UBTD1: variants seen among roughly 807,000 people sequenced by gnomAD.
The protein encoded by UBTD1 is ubiquitin domain-containing protein 1.
UBTD1 carries 19 observed loss-of-function variants against 21.7 expected under a neutral mutation model. The observed-to-expected ratio is 0.87, with a 90% CI of 0.61 to 1.28. The LOEUF (loss-of-function observed/expected upper bound fraction) is 1.28, where lower values mean the gene tolerates loss of function less well. UBTD1 is among the 50% of genes most tolerant of loss of function. The pLI, the probability that UBTD1 is intolerant of heterozygous loss-of-function variation, is 0.00. For missense variants in UBTD1, 282 were observed against 315.1 expected (o/e 0.89, Z 0.80); for synonymous variants, 116 against 135.1 (o/e 0.86, Z 0.98).
intron 1 of UBTD1, among the ~76,000 whole-genome samples, chr10:97,537,004 A>C (rs2135672888): frequency 6.6e-6 from 1 of 152,264 alleles, no homozygotes; most frequent in Non-Finnish European, 1.5e-5. Flanking sequence ...GAATTGGAGT[A>C]GACGTGCATT....
intron 1 of UBTD1, among the ~76,000 whole-genome samples, chr10:97,549,989 C>G (rs2040628960): frequency 6.6e-6 from 1 of 152,222 alleles, no homozygotes; most frequent in South Asian, 2.1e-4. Flanking sequence ...TTCCCGCTGC[C>G]AGGTGGGACA....
At position 97,514,621 on chromosome 10, in the gene UBTD1, G is replaced by A. The variant is rs566038791; in HGVS notation, c.70+15348G>A. ...CCTCGGATTCAGCACTCATCCAGTG[G>A]GAGTGTGGTCAGGAGCCCCGAGGAA... On this transcript the variant is annotated intron_variant, in intron 1 of 2. Transcript: ENST00000370664. 2.0e-5 allele frequency among the ~76,000 whole-genome samples: 3 copies of A among 152,242 alleles called. No individual in the cohort carries two copies. The South Asian group carries it at 6.2e-4, about 32-fold the overall frequency.
At chr10:97,523,712 T>C (rs1367676666) in intron 1 of UBTD1, among the ~76,000 whole-genome samples, 1 of 151,966 alleles carries the variant, frequency 6.6e-6, no homozygotes, top group Non-Finnish European at 1.5e-5. Context: ...GGGGCGGTAT[T>C]TTTCCTCTGT....
intron 1 of UBTD1, among the ~76,000 whole-genome samples, chr10:97,554,955 C>G (rs551670833): frequency 6.6e-6 from 1 of 152,144 alleles, no homozygotes; most frequent in Non-Finnish European, 1.5e-5. Context: ...CTTTCTCAAC[C>G]CTTGGTAGAT....
intron 1 of UBTD1, among the ~76,000 whole-genome samples, chr10:97,538,445 A>T (rs192086414): frequency 9.8e-5 from 15 of 152,356 alleles, no homozygotes; most frequent in Admixed American, 8.5e-4. Flanking sequence ...AAGATTTCCT[A>T]AATTACACAT....
chr10:97,520,031 C>T (rs1030144604), intron 1 of UBTD1, among the ~76,000 whole-genome samples: 6 of 152,184 alleles, frequency 3.9e-5, no homozygotes, highest in African/African-American at 1.2e-4. Context: ...AGCACAGGTT[C>T]GGCTCAGACC....
intron 1 of UBTD1, among the ~76,000 whole-genome samples, chr10:97,529,524 G>A (rs2040517018): frequency 6.6e-6 from 1 of 152,230 alleles, no homozygotes; most frequent in Non-Finnish European, 1.5e-5. Flanking sequence ...CACCTCGGGA[G>A]GCCGAGGCTG....
chr10:97,567,824 G>A, intron 1 of UBTD1, 90 bp from the exon 2 acceptor site: 1 of 1,276,572 alleles, frequency 7.8e-7, no homozygotes, highest in Non-Finnish European at 1.1e-6. Flanking sequence ...GGGTTTCAGG[G>A]TCTGGCCTGG....
intron 1 of UBTD1, among the ~76,000 whole-genome samples, chr10:97,548,094 G>T (rs1361517945): frequency 6.6e-6 from 1 of 152,204 alleles, no homozygotes; most frequent in Non-Finnish European, 1.5e-5. Flanking sequence ...GGTTGGTGAG[G>T]TCATCCACCC....
At chr10:97,535,775 A>G (rs1433749853) in intron 1 of UBTD1, among the ~76,000 whole-genome samples, 4 of 151,690 alleles carry the variant, frequency 2.6e-5, no homozygotes, top group South Asian at 2.1e-4. Context: ...TTAATTAGCT[A>G]GGTGCAGTGG....
chr10:97,560,528 C>G (rs2040687392), intron 1 of UBTD1, among the ~76,000 whole-genome samples: 1 of 152,070 alleles, frequency 6.6e-6, no homozygotes, highest in Non-Finnish European at 1.5e-5. Flanking sequence ...GGAAGGGGGT[C>G]TAAAACCAGC....
At chr10:97,568,359 G>C (rs1180531794) in intron 2 of UBTD1, among the ~76,000 whole-genome samples, 2 of 152,170 alleles carry the variant, frequency 1.3e-5, no homozygotes, top group East Asian at 3.9e-4. Flanking sequence ...CAACAAACCT[G>C]CAAAGCAGTG....
At chr10:97,515,503 T>G (rs555386936) in intron 1 of UBTD1, among the ~76,000 whole-genome samples, 1 of 152,284 alleles carries the variant, frequency 6.6e-6, no homozygotes, top group African/African-American at 2.4e-5. Context: ...TGAATCCAGC[T>G]TAAGCAAAAA....
Position 97,546,900 on chromosome 10 carries a change from A to ACT in UBTD1, c.71-20997_71-20996dup, listed in dbSNP as rs144552590. The stretch of plus-strand genomic sequence containing the variant: ...TGCCCCACTGCCACCTCACACACAC[A>ACT]CTCTCTCTCTCTCTCTCTGTCTGTC... On this transcript the variant is annotated intron_variant, in intron 1 of 2. Transcript: ENST00000370664. Among the ~76,000 whole-genome samples, 52 of 147,148 alleles carry ACT rather than the reference A, an allele frequency of 3.5e-4. 1 individual carries two copies. The highest frequency in any genetic ancestry group is 9.9e-4 in the East Asian group (5 of 5,064).
At chr10:97,504,222 T>C (rs555215904) in intron 1 of UBTD1, among the ~76,000 whole-genome samples, 113 of 152,310 alleles carry the variant, frequency 7.4e-4, no homozygotes, top group Non-Finnish European at 1.4e-3. Context: ...GAACTCACCT[T>C]CCTGCTTCCT....
chr10:97,555,291 A>T (rs2040658826), intron 1 of UBTD1, among the ~76,000 whole-genome samples: 1 of 152,250 alleles, frequency 6.6e-6, no homozygotes, highest in African/African-American at 2.4e-5. Flanking sequence ...TGGTCAAGGC[A>T]TAAACACCTC....
At chr10:97,535,886 C>G (rs2040557802) in intron 1 of UBTD1, among the ~76,000 whole-genome samples, 1 of 150,940 alleles carries the variant, frequency 6.6e-6, no homozygotes, top group Non-Finnish European at 1.5e-5. Context: ...CTACTGCACT[C>G]TAATCTGGGT....
At chr10:97,551,135 CTG>C (rs1406741458) in intron 1 of UBTD1, among the ~76,000 whole-genome samples, 1 of 152,214 alleles carries the variant, frequency 6.6e-6, no homozygotes, top group Non-Finnish European at 1.5e-5. Flanking sequence ...CCCTGAGAAT[CTG>C]TCTTTTGAAC....
intron 1 of UBTD1, among the ~76,000 whole-genome samples, chr10:97,558,380 C>T (rs1408610060): frequency 6.6e-6 from 1 of 152,200 alleles, no homozygotes; most frequent in Non-Finnish European, 1.5e-5. Flanking sequence ...AAAGTCACCA[C>T]AGCCTGGGCA....
Sources: allele counts gnomAD v4.1 joint callset (sites outside exome capture counted in the v4.1 genomes callset), GRCh38; gene constraint gnomAD v4.1.1; transcripts MANE v1.5; gene names NCBI Gene and HGNC (gene_info 2026-07-23, HGNC 2026-07-21).